MTBP: variants seen among roughly 807,000 people sequenced by gnomAD.
MTBP encodes the protein MDM2 binding protein.
A neutral mutation model predicts 117.0 loss-of-function variants in MTBP; 101 were observed. The observed-to-expected ratio is 0.86, with a 90% CI of 0.73 to 1.02. MTBP has a LOEUF of 1.02. MTBP is among the 50% of genes least tolerant of loss of function. MTBP has a pLI of 0.00. For missense variants in MTBP, 970 were observed against 1,030.9 expected, an observed-to-expected ratio of 0.94 and a Z score of 0.81; for synonymous variants, 350 against 351.5, an observed-to-expected ratio of 1.00 and a Z score of 0.05.
intron 11 of MTBP, among the ~76,000 whole-genome samples, chr8:120,486,273 G>T (rs906205048): frequency 2.6e-5 from 4 of 152,048 alleles, no homozygotes; most frequent in Admixed American, 1.3e-4. Flanking sequence ...CAACTTACCC[G>T]CAATCTGAGT....
intron 13 of MTBP, 146 bp downstream of exon 13, chr8:120,490,716 G>A (rs1277257390): frequency 3.6e-6 from 2 of 553,064 alleles, no homozygotes; most frequent in Non-Finnish European, 6.3e-6. Context: ...AAGCAATGAT[G>A]TAGAGTAGAA....
intron 20 of MTBP, among the ~76,000 whole-genome samples, chr8:120,519,125 G>A (rs1481830733): frequency 6.6e-6 from 1 of 151,134 alleles, no homozygotes; most frequent in African/African-American, 2.4e-5. Flanking sequence ...CATATCTGTG[G>A]GTTCTATATC....
chr8:120,497,359 C>G (rs761488709), intron 13 of MTBP, 34 bp from the exon 14 acceptor site: 1 of 1,558,340 alleles, frequency 6.4e-7, no homozygotes, highest in East Asian at 2.3e-5. Flanking sequence ...CCAGAGAATA[C>G]AAAATAAGTC....
At chr8:120,485,059 C>T (rs1814181509) in intron 11 of MTBP, among the ~76,000 whole-genome samples, 1 of 152,128 alleles carries the variant, frequency 6.6e-6, no homozygotes, top group Admixed American at 6.6e-5. Flanking sequence ...TTTATCCACA[C>T]ATCAGTTGAT....
chr8:120,495,728 C>T (rs1246132588), intron 13 of MTBP, among the ~76,000 whole-genome samples: 1 of 151,772 alleles, frequency 6.6e-6, no homozygotes. Context: ...GTTTCGTGTG[C>T]TTAATTTTAG....
rs531600555 is a variant in MTBP at position 120,477,644 on chromosome 8, AT to A, written c.1165+6708del. Among the ~76,000 whole-genome samples, 781 of 152,334 alleles carry A rather than the reference AT, an allele frequency of 5.1e-3. 8 individuals are homozygous for A. The highest frequency in any genetic ancestry group is 0.017 in the African/African-American group (695 of 41,580). ...AGACATTTATGCAGCCAATAAACAT[AT>A]GAAAAAAAGCTTATCCTCACTGGTC... On this transcript the variant is annotated intron_variant, in intron 11 of 21. Coordinates refer to ENST00000305949, the MANE Select transcript of MTBP (RefSeq NM_022045.5).
At chr8:120,483,190 G>A (rs1814131614) in intron 11 of MTBP, among the ~76,000 whole-genome samples, 1 of 151,836 alleles carries the variant, frequency 6.6e-6, no homozygotes, top group African/African-American at 2.4e-5. Context: ...AAAGTAATTA[G>A]ATTTATTTTT....
At chr8:120,452,291 C>T (rs1257049156) in intron 4 of MTBP, 1 of 151,914 alleles carries the variant, frequency 6.6e-6, no homozygotes, top group Non-Finnish European at 1.5e-5. Flanking sequence ...TTTCATTTTC[C>T]TTTTTCCAGA....
chr8:120,445,758 A>C (rs910584500), intron 1 of MTBP, among the ~76,000 whole-genome samples, 170 bp downstream of exon 1: 4 of 152,178 alleles, frequency 2.6e-5, no homozygotes, highest in African/African-American at 9.7e-5. Flanking sequence ...CTTCATGGAA[A>C]AACAGGGACA....
At position 120,515,315 on chromosome 8, in the gene MTBP, T is replaced by A. The variant is rs1054654832; in HGVS notation, c.1980-610T>A. On this transcript the variant is annotated intron_variant, in intron 17 of 21. Coordinates refer to ENST00000305949, the MANE Select transcript of MTBP (RefSeq NM_022045.5). Reference sequence around the variant, plus strand: ...CTTAACAACCTAGGATTTCTTTGAGTCCAGAAGCATTCACTGAGCTGACAT... The same window carrying A: ...CTTAACAACCTAGGATTTCTTTGAGACCAGAAGCATTCACTGAGCTGACAT... 2.0e-5 allele frequency among the ~76,000 whole-genome samples: 3 copies of A among 152,152 alleles called. No individual in the cohort carries two copies. In the East Asian group the frequency reaches 5.8e-4, roughly 29 times the overall value.
intron 2 of MTBP, among the ~76,000 whole-genome samples, chr8:120,449,587 C>T (rs1428128837): frequency 6.6e-6 from 1 of 151,996 alleles, no homozygotes; most frequent in East Asian, 1.9e-4. Context: ...GTACAGATGT[C>T]AGGTGAAGGC....
intron 7 of MTBP, among the ~76,000 whole-genome samples, chr8:120,457,966 A>C (rs1194152470): frequency 1.3e-5 from 2 of 150,882 alleles, no homozygotes; most frequent in African/African-American, 4.9e-5. Flanking sequence ...AAAAAAACCC[A>C]AAAAAACCCC....
intron 11 of MTBP, among the ~76,000 whole-genome samples, chr8:120,474,368 T>C (rs572344929): frequency 6.6e-6 from 1 of 152,186 alleles, no homozygotes; most frequent in South Asian, 2.1e-4. Context: ...TCTTACCCAT[T>C]GATGGAACTT....
At chr8:120,519,929 C>T (rs1814986375) in intron 20 of MTBP, among the ~76,000 whole-genome samples, 2 of 152,140 alleles carry the variant, frequency 1.3e-5, no homozygotes, top group Admixed American at 1.3e-4. Context: ...TTCCACCCAC[C>T]TCAGTGACAC....
intron 15 of MTBP, among the ~76,000 whole-genome samples, chr8:120,504,287 C>A (rs949143166): frequency 6.6e-6 from 1 of 152,098 alleles, no homozygotes; most frequent in African/African-American, 2.4e-5. Flanking sequence ...TATAACTTCC[C>A]ACTGGGAAAG....
chr8:120,495,461 GTTGA>G (rs540018322), intron 13 of MTBP, among the ~76,000 whole-genome samples: 3 of 152,052 alleles, frequency 2.0e-5, no homozygotes, highest in Non-Finnish European at 2.9e-5. Context: ...GAACTGTGTA[GTTGA>G]TTGGCAATTT....
chr8:120,492,035 C>T (rs1040699866), intron 13 of MTBP, among the ~76,000 whole-genome samples: 2 of 152,062 alleles, frequency 1.3e-5, no homozygotes, highest in Admixed American at 6.6e-5. Flanking sequence ...AATAAAAAAT[C>T]GCAGGGATGC....
chr8:120,456,508 A>T (rs1377662959), intron 6 of MTBP, 45 bp from the exon 7 acceptor site: 1 of 1,183,602 alleles, frequency 8.4e-7, no homozygotes, highest in East Asian at 2.4e-5. Context: ...TAAATCAGTG[A>T]AATATAAAAC....
chr8:120,483,809 A>G (rs7006059), intron 11 of MTBP, among the ~76,000 whole-genome samples: 51,330 of 151,988 alleles, frequency 0.34, 10,939 homozygotes, highest in African/African-American at 0.61. Flanking sequence ...CTTATCAAAT[A>G]ATAATGTAAG....
Sources: gnomAD v4.1 joint callset for allele counts (sites outside exome capture counted in the v4.1 genomes callset) on GRCh38, gnomAD v4.1.1 for gene constraint, MANE v1.5 for transcripts, NCBI Gene and HGNC (gene_info 2026-07-23, HGNC 2026-07-21) for gene names.